The following NEDD8 variants were observed in gnomAD, a reference collection of about 807,000 sequenced individuals.
NEDD8 encodes the protein ubiquitin-like protein NEDD8.
Under a neutral mutation model 13.8 loss-of-function variants are expected in NEDD8, and 1 was observed. The observed-to-expected ratio is 0.07, with a 90% CI of 0.03 to 0.34. The LOEUF (loss-of-function observed/expected upper bound fraction) is 0.34, where lower values mean the gene tolerates loss of function less well. Among genes scored for constraint, NEDD8 ranks in the 10% least tolerant of loss-of-function variants. The pLI is 0.99. For synonymous variants in NEDD8, 31 were observed against 33.2 expected, an observed-to-expected ratio of 0.93 and a Z score of 0.23; for missense variants, 10 against 95.2, an observed-to-expected ratio of 0.10 and a Z score of 3.73.
rs551713618 is a variant in NEDD8 at position 24,231,772 on chromosome 14, C to T, written c.18+478G>A. ...GGGTGAGATACCACACCTTGGCAAC[C>T]ACCAGTAAAGGCTCATAGTCTAGCC... is the stretch of plus-strand genomic sequence containing the variant. On this transcript the variant is annotated intron_variant, in intron 1 of 3. Transcript: ENST00000250495. 5.1e-5 allele frequency: 8 copies of T among 156,660 alleles called. No homozygotes were observed. The South Asian group carries it at 5.2e-4, about 10-fold the overall frequency. 9.7% of individuals were successfully genotyped at this position (156,660 alleles called of 1,614,324 possible).
At position 24,217,893 on chromosome 14, in the gene NEDD8, A is replaced by G. The variant is rs546979246; in HGVS notation, c.149+240T>C. The G allele has an allele frequency of 7.3e-5, 32 of 436,686 alleles. 1 individual carries two copies. The highest frequency in any genetic ancestry group is 6.0e-4 in the Middle Eastern group (1 of 1,666). The allele number at this position is 436,686 out of a possible 1,614,324, so 27.1% of individuals were successfully genotyped here. A position where few individuals can be genotyped will look rare whatever the true frequency, so the allele number is the denominator to read the frequency against. The stretch of plus-strand genomic sequence containing the variant: ...AAGTACATATATTACTATATCACAA[A>G]TTTGTTTTAGTATTTTAATAACTAT... On this transcript the variant is annotated intron_variant, in intron 3 of 3. Transcript: ENST00000250495.
rs561789511 is a variant in NEDD8 at position 24,218,575 on chromosome 14, G to C, written c.19-144C>G. On this transcript the variant is annotated intron_variant, in intron 1 of 3. Coordinates refer to ENST00000250495, the MANE Select transcript of NEDD8 (RefSeq NM_006156.3). ...CAGCACTGCTTTGGAGAATGAGAAG[G>C]CTTTGAACATACCTTCATTTATCAA... 3.1e-5 allele frequency: 35 copies of C among 1,128,522 alleles called. No individual in the cohort carries two copies. The South Asian group carries it at 4.1e-4, about 13-fold the overall frequency. 69.9% of individuals were successfully genotyped at this position (1,128,522 alleles called of 1,614,324 possible).
At chr14:24,219,307 C>CAAT (rs2039759858) in intron 1 of NEDD8, among the ~76,000 whole-genome samples, 2 of 149,254 alleles carry the variant, frequency 1.3e-5, no homozygotes, top group African/African-American at 4.9e-5. Flanking sequence ...ACCAAAACAA[C>CAAT]AACAACAACA....
intron 3 of NEDD8, chr14:24,217,763 A>G (rs1201103206): frequency 4.8e-5 from 9 of 189,274 alleles, no homozygotes; most frequent in Non-Finnish European, 9.9e-5. Context: ...CTTGTTAACA[A>G]TAGCAATTAA....
chr14:24,221,287 C>CTTTT (rs35302229), intron 1 of NEDD8, among the ~76,000 whole-genome samples: 1 of 140,314 alleles, frequency 7.1e-6, no homozygotes, highest in Non-Finnish European at 1.5e-5. Context: ...ATTTCACTTT[C>CTTTT]TTTTTTTTTT....
intron 1 of NEDD8, chr14:24,227,505 G>C (rs937972320): frequency 3.9e-5 from 6 of 152,124 alleles, no homozygotes; most frequent in Non-Finnish European, 7.4e-5. Flanking sequence ...ACCAGAATGA[G>C]GGTAATGGAG....
At chr14:24,228,308 G>A (rs147475914) in intron 1 of NEDD8, 3,038 of 151,898 alleles carry the variant, frequency 0.02, 91 homozygotes, top group African/African-American at 0.068. Context: ...CAGGAGCATC[G>A]CTTGAACCCA....
chr14:24,224,347 A>G (rs1443252499), intron 1 of NEDD8, among the ~76,000 whole-genome samples: 1 of 152,154 alleles, frequency 6.6e-6, no homozygotes, highest in Admixed American at 6.5e-5. Flanking sequence ...TACAGGCATG[A>G]GCCACCATGC....
Position 24,232,306 on chromosome 14 carries a change from G to C in NEDD8, c.-39C>G, listed in dbSNP as rs754131162. The C allele has an allele frequency of 1.2e-6, 2 of 1,609,166 alleles. No homozygotes were observed. The highest frequency in any genetic ancestry group is 1.7e-4 in the Middle Eastern group (1 of 6,048). Reference sequence around the variant, plus strand: ...TGGGGCTGCACACGGATAAATTGCTGCTCCTACCGCTCCGGTCGCCGCTGC... The same window carrying C: ...TGGGGCTGCACACGGATAAATTGCTCCTCCTACCGCTCCGGTCGCCGCTGC... On this transcript the variant is annotated 5_prime_UTR_variant, in exon 1 of 4. Transcript: ENST00000250495.
intron 1 of NEDD8, chr14:24,231,574 A>T (rs2040024823): frequency 6.6e-6 from 1 of 152,068 alleles, no homozygotes; most frequent in Non-Finnish European, 1.5e-5. Context: ...AAATTGGTGA[A>T]GAACCACCAC....
chr14:24,223,015 G>A lies in NEDD8; in HGVS notation c.19-4584C>T, dbSNP rs1475449194. On this transcript the variant is annotated intron_variant, in intron 1 of 3. Coordinates refer to ENST00000250495, the MANE Select transcript of NEDD8 (RefSeq NM_006156.3). ...GCAGGAGAATCGCCTGAACCCAGGAGGCGGAGGTTACGGTGAGCTGAGATC... is the reference window on the plus strand; with the variant it reads ...GCAGGAGAATCGCCTGAACCCAGGAAGCGGAGGTTACGGTGAGCTGAGATC... 2.6e-5 allele frequency among the ~76,000 whole-genome samples: 4 copies of A among 150,960 alleles called. No homozygotes were observed. The East Asian group carries it at 7.7e-4, about 29-fold the overall frequency.
chr14:24,230,476 A>G (rs2039974804), intron 1 of NEDD8, among the ~76,000 whole-genome samples: 1 of 130,278 alleles, frequency 7.7e-6, no homozygotes, highest in Non-Finnish European at 1.6e-5. Context: ...CGAAGCTTGC[A>G]GTGAGCCGAG....
At chr14:24,229,754 G>A (rs537659147) in intron 1 of NEDD8, among the ~76,000 whole-genome samples, 3 of 152,250 alleles carry the variant, frequency 2.0e-5, no homozygotes, top group East Asian at 1.9e-4. Context: ...GTGGACATGA[G>A]AACCCATATG....
intron 1 of NEDD8, among the ~76,000 whole-genome samples, chr14:24,231,231 T>C (rs1335341063): frequency 6.6e-6 from 1 of 152,168 alleles, no homozygotes; most frequent in Non-Finnish European, 1.5e-5. Context: ...CATTCACCTA[T>C]TAAATTGATG....
At chr14:24,223,104 AAAAATAG>A (rs1339721935) in intron 1 of NEDD8, among the ~76,000 whole-genome samples, 4 of 145,630 alleles carry the variant, frequency 2.7e-5, no homozygotes, top group Non-Finnish European at 5.9e-5. Context: ...AAAAAAAAAA[AAAAATAG>A]AGATGGTAGG....
intron 1 of NEDD8, among the ~76,000 whole-genome samples, chr14:24,222,333 T>C (rs922301611): frequency 1.3e-5 from 2 of 152,220 alleles, no homozygotes; most frequent in African/African-American, 2.4e-5. Context: ...AAAAAAGTTA[T>C]AGTATATAGA....
Position 24,232,276 on chromosome 14 carries a change from C to G in NEDD8, c.-9G>C, listed in dbSNP as rs762477966. The G allele has an allele frequency of 6.2e-7, 1 of 1,613,726 alleles. No homozygotes were observed. The highest frequency in any genetic ancestry group is 1.3e-5 in the African/African-American group (1 of 74,834). ...TTCACTTTAATTAGCATCTTCTTTCCAGTTTGGGGCTGCACACGGATAAAT... is the reference window on the plus strand; with the variant it reads ...TTCACTTTAATTAGCATCTTCTTTCGAGTTTGGGGCTGCACACGGATAAAT... On this transcript the variant is annotated 5_prime_UTR_variant, in exon 1 of 4. Transcript: ENST00000250495.
chr14:24,222,344 G>A (rs2039822474), intron 1 of NEDD8, among the ~76,000 whole-genome samples: 1 of 152,130 alleles, frequency 6.6e-6, no homozygotes, highest in African/African-American at 2.4e-5. Context: ...AGTATATAGA[G>A]TATAATTAAA....
chr14:24,225,362 AAGAG>A (rs962991163), intron 1 of NEDD8, among the ~76,000 whole-genome samples: 1 of 152,152 alleles, frequency 6.6e-6, no homozygotes, highest in Non-Finnish European at 1.5e-5. Flanking sequence ...TTAATAAAAA[AAGAG>A]AGAGAGACAA....
Sources: gnomAD v4.1 joint callset for allele counts (sites outside exome capture counted in the v4.1 genomes callset) on GRCh38, gnomAD v4.1.1 for gene constraint, MANE v1.5 for transcripts, NCBI Gene and HGNC (gene_info 2026-07-23, HGNC 2026-07-21) for gene names.